The following DMD variants were observed in gnomAD, a reference collection of about 807,000 sequenced individuals.
The protein encoded by DMD is dystrophin.
In DMD, 63 loss-of-function variants were observed where a neutral mutation model predicts 330.1. The observed-to-expected ratio is 0.19, with a 90% CI of 0.16 to 0.24. DMD has a LOEUF of 0.24. Ranked by LOEUF, DMD falls within the 10% of genes least tolerant of loss-of-function variation. DMD has a pLI of 1.00. For missense variants in DMD, 3,344 were observed against 2,684.1 expected (o/e 1.25, Z -5.43); for synonymous variants, 1,223 against 959.8 (o/e 1.27, Z -5.07).
chrX:32,867,365 T>C (rs1349405285), intron 2 of DMD, among the ~76,000 whole-genome samples: 1 of 112,030 alleles, frequency 8.9e-6, no homozygotes, highest in Non-Finnish European at 1.9e-5. Flanking sequence ...TTAGTTAGTG[T>C]TTCTAGAAAA....
intron 60 of DMD, among the ~76,000 whole-genome samples, chrX:31,435,220 T>C (rs2064423493): frequency 8.9e-6 from 1 of 112,163 alleles, no homozygotes; most frequent in African/African-American, 3.2e-5. Context: ...TAATTGTGAA[T>C]GGCATACAGT....
At chrX:33,045,515 T>C (rs1486091964) in intron 1 of DMD, among the ~76,000 whole-genome samples, 1 of 111,273 alleles carries the variant, frequency 9.0e-6, no homozygotes. Context: ...AAGTGAACCA[T>C]GATTCTGGCA....
intron 44 of DMD, among the ~76,000 whole-genome samples, chrX:32,091,207 G>A (rs1291026229): frequency 8.9e-6 from 1 of 111,735 alleles, no homozygotes; most frequent in Non-Finnish European, 1.9e-5. Flanking sequence ...GATTTTCTTC[G>A]ATTTTTTTCA....
intron 55 of DMD, among the ~76,000 whole-genome samples, chrX:31,625,620 C>A (rs924225624): frequency 4.5e-5 from 5 of 111,957 alleles, no homozygotes; most frequent in Non-Finnish European, 7.5e-5. Flanking sequence ...GATCAGAAAT[C>A]TAAACATAAA....
At chrX:32,802,600 TTGGCTG>T (rs752971856) in intron 7 of DMD, among the ~76,000 whole-genome samples, 1 of 111,904 alleles carries the variant, frequency 8.9e-6, no homozygotes, top group Non-Finnish European at 1.9e-5. Context: ...CAGTATGATA[TTGGCTG>T]TGGGTATGTC....
intron 44 of DMD, among the ~76,000 whole-genome samples, chrX:32,080,079 T>A (rs997404379): frequency 3.6e-5 from 4 of 112,425 alleles, no homozygotes; most frequent in Non-Finnish European, 5.6e-5. Flanking sequence ...TCTCATAATA[T>A]AAGAGGAATC....
At chrX:32,134,211 C>T (rs1254439285) in intron 44 of DMD, among the ~76,000 whole-genome samples, 1 of 110,774 alleles carries the variant, frequency 9.0e-6, no homozygotes, top group Non-Finnish European at 1.9e-5. Flanking sequence ...TTGAGACCCC[C>T]AAGAATCCAG....
At chrX:31,269,682 A>G (rs2051465946) in intron 62 of DMD, among the ~76,000 whole-genome samples, 2 of 112,186 alleles carry the variant, frequency 1.8e-5, no homozygotes, top group Admixed American at 1.9e-4. Flanking sequence ...AGAGATAAAG[A>G]AGAAATGAAA....
chrX:31,859,692 C>T (rs1487254846), intron 48 of DMD, among the ~76,000 whole-genome samples: 1 of 112,271 alleles, frequency 8.9e-6, no homozygotes. Flanking sequence ...GAATAAACAG[C>T]TTCATGAATA....
At chrX:32,711,540 C>G (rs1473213524) in intron 7 of DMD, among the ~76,000 whole-genome samples, 1 of 111,683 alleles carries the variant, frequency 9.0e-6, no homozygotes, top group Non-Finnish European at 1.9e-5. Flanking sequence ...AGAGTTCAAC[C>G]GTTAGTTGTC....
intron 1 of DMD, among the ~76,000 whole-genome samples, chrX:33,052,315 T>G (rs761221401): frequency 8.9e-6 from 1 of 112,054 alleles, no homozygotes; most frequent in Admixed American, 9.5e-5. Flanking sequence ...CAAATGGCTG[T>G]TAATATCTCA....
At chrX:31,705,237 C>A (rs897656517) in intron 52 of DMD, among the ~76,000 whole-genome samples, 1 of 112,544 alleles carries the variant, frequency 8.9e-6, no homozygotes, top group African/African-American at 3.2e-5. Context: ...CCAGGCACAG[C>A]CTGATGGTGG....
intron 60 of DMD, among the ~76,000 whole-genome samples, chrX:31,372,276 G>A (rs192243641): frequency 1.8e-5 from 2 of 112,211 alleles, no homozygotes; most frequent in East Asian, 5.6e-4. Flanking sequence ...GATGGAGGAA[G>A]GAGAGATTTT....
intron 44 of DMD, among the ~76,000 whole-genome samples, chrX:32,132,898 C>A (rs146652004): frequency 0.016 from 1,752 of 109,941 alleles, 46 homozygotes; most frequent in African/African-American, 0.055. Context: ...TAAAAGGAGA[C>A]CCAAAATGTA....
At chrX:33,278,060 G>A (rs150189670) in intron 1 of DMD, among the ~76,000 whole-genome samples, 3,761 of 111,046 alleles carry the variant, frequency 0.034, 157 homozygotes, top group African/African-American at 0.12. Context: ...AGCTACAATC[G>A]CACCACTGCA....
intron 43 of DMD, among the ~76,000 whole-genome samples, chrX:32,283,942 T>C (rs899725905): frequency 1.8e-5 from 2 of 111,345 alleles, no homozygotes; most frequent in African/African-American, 6.5e-5. Flanking sequence ...ACAGCAAGAA[T>C]AAATAATTTA....
At chrX:31,405,302 T>G (rs905736861) in intron 60 of DMD, among the ~76,000 whole-genome samples, 3 of 111,728 alleles carry the variant, frequency 2.7e-5, no homozygotes. Context: ...AGAACAGAAT[T>G]AAAAGGTTTA....
chrX:33,233,500 T>C (rs1011479617), intron 1 of DMD, among the ~76,000 whole-genome samples: 2 of 112,638 alleles, frequency 1.8e-5, no homozygotes, highest in African/African-American at 3.2e-5. Flanking sequence ...TGCAACAATT[T>C]AGATGGATCA....
At chrX:32,780,728 T>A (rs2074635009) in intron 7 of DMD, among the ~76,000 whole-genome samples, 2 of 110,828 alleles carry the variant, frequency 1.8e-5, no homozygotes, top group South Asian at 7.6e-4. Flanking sequence ...ATCAGAACTT[T>A]AAAATCCTAA....
Sources: gnomAD v4.1 joint callset for allele counts (sites outside exome capture counted in the v4.1 genomes callset) on GRCh38, gnomAD v4.1.1 for gene constraint, MANE v1.5 for transcripts, NCBI Gene and HGNC (gene_info 2026-07-23, HGNC 2026-07-21) for gene names.